The following GPC6 variants were observed in gnomAD, a reference collection of about 807,000 sequenced individuals.
The protein encoded by GPC6 is glypican-6.
A neutral mutation model predicts 55.2 loss-of-function variants in GPC6; 14 were observed. The ratio of observed to expected loss-of-function variants is 0.25; its 90% CI spans 0.17 to 0.40. GPC6 has a LOEUF of 0.40. Among genes scored for constraint, GPC6 ranks in the 10% least tolerant of loss-of-function variants. The pLI is 1.00. For synonymous variants in GPC6, 278 were observed against 259.6 expected, an observed-to-expected ratio of 1.07 and a Z score of -0.68; for missense variants, 641 against 708.5, an observed-to-expected ratio of 0.90 and a Z score of 1.08.
intron 2 of GPC6, among the ~76,000 whole-genome samples, chr13:93,570,881 A>G (rs957312378): frequency 2.0e-5 from 3 of 152,174 alleles, no homozygotes; most frequent in African/African-American, 4.8e-5. Flanking sequence ...ACAATAGAAC[A>G]TAAATATAAA....
intron 2 of GPC6, among the ~76,000 whole-genome samples, chr13:93,627,500 C>T (rs1408260584): frequency 2.6e-5 from 4 of 152,104 alleles, no homozygotes; most frequent in African/African-American, 7.2e-5. Context: ...AGATTTAGGT[C>T]GGGTCACAGA....
At chr13:93,605,341 G>A (rs565460737) in intron 2 of GPC6, among the ~76,000 whole-genome samples, 2 of 152,204 alleles carry the variant, frequency 1.3e-5, no homozygotes, top group South Asian at 4.1e-4. Context: ...TTCCAAATAA[G>A]GCATCATTTT....
intron 3 of GPC6, among the ~76,000 whole-genome samples, chr13:93,953,188 C>T (rs1216433484): frequency 6.6e-6 from 1 of 151,982 alleles, no homozygotes; most frequent in Non-Finnish European, 1.5e-5. Context: ...CTTTTCTTTT[C>T]TTCCATGGTC....
chr13:93,696,708 G>A (rs532918316), intron 2 of GPC6, among the ~76,000 whole-genome samples: 16 of 148,576 alleles, frequency 1.1e-4, no homozygotes, highest in Admixed American at 3.4e-4. Flanking sequence ...TGCAACCTCC[G>A]CCCCACCGGG....
chr13:93,885,707 TTTACATGCCA>T (rs1470552004), intron 3 of GPC6, among the ~76,000 whole-genome samples: 1 of 152,174 alleles, frequency 6.6e-6, no homozygotes, highest in Non-Finnish European at 1.5e-5. Context: ...AAAGAACTGG[TTTACATGCCA>T]ATTTAGCCAA....
At chr13:93,477,299 G>T (rs1194440971) in intron 1 of GPC6, among the ~76,000 whole-genome samples, 2 of 152,120 alleles carry the variant, frequency 1.3e-5, no homozygotes, top group Non-Finnish European at 2.9e-5. Context: ...AATTCAAATT[G>T]TGTAGTTACC....
chr13:94,272,083 A>AAT (rs988243623), intron 4 of GPC6, among the ~76,000 whole-genome samples: 35 of 151,994 alleles, frequency 2.3e-4, no homozygotes, highest in African/African-American at 5.8e-4. Context: ...AAAATAATAA[A>AAT]ATATATATAT....
intron 1 of GPC6, among the ~76,000 whole-genome samples, chr13:93,493,939 C>T (rs1434801372): frequency 8.9e-6 from 1 of 112,142 alleles, no homozygotes; most frequent in African/African-American, 3.2e-5. Flanking sequence ...TGCTTTACTT[C>T]CAACTCTGTG....
chr13:94,085,103 C>A (rs1412943857), intron 4 of GPC6, among the ~76,000 whole-genome samples: 2 of 151,932 alleles, frequency 1.3e-5, no homozygotes, highest in Non-Finnish European at 2.9e-5. Context: ...GCAGGCAGAT[C>A]ACAAGGTCAG....
intron 4 of GPC6, among the ~76,000 whole-genome samples, chr13:94,099,143 T>G (rs919307634): frequency 6.6e-6 from 1 of 152,166 alleles, no homozygotes; most frequent in African/African-American, 2.4e-5. Context: ...ATATACTGTT[T>G]TTATAGCAGA....
chr13:94,063,872 C>T (rs1016325778), intron 4 of GPC6, among the ~76,000 whole-genome samples: 8 of 151,784 alleles, frequency 5.3e-5, no homozygotes, highest in Admixed American at 2.6e-4. Flanking sequence ...CTAATTCTTT[C>T]AAAAAAAAGA....
At chr13:93,997,607 G>GTGTT (rs3043342) in intron 3 of GPC6, among the ~76,000 whole-genome samples, 1 of 151,330 alleles carries the variant, frequency 6.6e-6, no homozygotes, top group Non-Finnish European at 1.5e-5. Context: ...GTGTGTGTGT[G>GTGTT]CATGCACGCT....
chr13:93,793,307 C>T (rs1042148905), intron 2 of GPC6, among the ~76,000 whole-genome samples: 2 of 152,086 alleles, frequency 1.3e-5, no homozygotes, highest in Non-Finnish European at 2.9e-5. Flanking sequence ...TCCGGTTTTC[C>T]ACTCTCTGCT....
chr13:93,725,525 G>C (rs1285306423), intron 2 of GPC6, among the ~76,000 whole-genome samples: 1 of 151,918 alleles, frequency 6.6e-6, no homozygotes, highest in Non-Finnish European at 1.5e-5. Flanking sequence ...AAAAAGAGTA[G>C]AAAATTTTAC....
intron 6 of GPC6, among the ~76,000 whole-genome samples, chr13:94,332,329 C>G (rs962464099): frequency 6.6e-6 from 1 of 152,100 alleles, no homozygotes; most frequent in African/African-American, 2.4e-5. Context: ...TAATCTTATT[C>G]AAATGGTGCT....
intron 2 of GPC6, among the ~76,000 whole-genome samples, chr13:93,758,638 CT>C (rs1225025280): frequency 2.3e-4 from 34 of 148,328 alleles, no homozygotes; most frequent in Middle Eastern, 3.6e-3. Context: ...ACATATAGGC[CT>C]TTTTTTTTTC....
intron 1 of GPC6, among the ~76,000 whole-genome samples, chr13:93,432,682 TA>T (rs1877406711): frequency 6.6e-6 from 1 of 152,194 alleles, no homozygotes; most frequent in Admixed American, 6.6e-5. Context: ...AAGCAGTAAG[TA>T]AAAACAAAGC....
intron 2 of GPC6, among the ~76,000 whole-genome samples, chr13:93,581,304 A>G (rs1056477012): frequency 3.6e-4 from 55 of 152,186 alleles, no homozygotes; most frequent in Non-Finnish European, 8.8e-5. Context: ...TATTGTTGCT[A>G]CACCTTTCAA....
chr13:93,627,306 A>G (rs1022650444), intron 2 of GPC6, among the ~76,000 whole-genome samples: 1 of 152,096 alleles, frequency 6.6e-6, no homozygotes. Flanking sequence ...TTCCAGCTTC[A>G]TCCATGTCCC....
Sources: gnomAD v4.1 joint callset for allele counts (sites outside exome capture counted in the v4.1 genomes callset) on GRCh38, gnomAD v4.1.1 for gene constraint, MANE v1.5 for transcripts, NCBI Gene and HGNC (gene_info 2026-07-23, HGNC 2026-07-21) for gene names.